The following UBE2N variants were observed in gnomAD, a reference collection of about 807,000 sequenced individuals.
UBE2N encodes ubiquitin conjugating enzyme E2 N, also known as ubiquitin-conjugating enzyme E2 N.
For synonymous variants in UBE2N, 70 were observed against 69.2 expected (o/e 1.01, Z -0.06); for missense variants, 60 against 192.1 (o/e 0.31, Z 4.07).
rs756817449 is a variant in UBE2N, at chr12:93,410,060, T to G, written c.438A>C (p.Leu146=). 1 of 1,613,528 alleles carries G rather than the reference T, an allele frequency of 6.2e-7. No homozygotes were observed. Among genetic ancestry groups the G allele is most frequent in the East Asian group, 2.2e-5 (1 of 44,812 alleles). The change falls in exon 4 of 4, where the codon CTA becomes CTC. Residue 146 remains leucine, a synonymous_variant. Transcript: ENST00000318066. ...CAATTTAAATATTATTCATGGCATA[T>G]AGCCTAGTCCATGCTCTAGCTGTAG... ...AIETARAWTR[L]YAMNNI
rs368827539 is a variant in UBE2N, at chr12:93,410,919, G to T, written c.278-45C>A. On this transcript the variant is annotated intron_variant, in intron 2 of 3. Transcript: ENST00000318066. ...AGTATGATAAAGCATGAAAAAAACAGGCCCAGAACTGCTTCACTTCCCTCC... is the reference window on the plus strand; with the variant it reads ...AGTATGATAAAGCATGAAAAAAACATGCCCAGAACTGCTTCACTTCCCTCC... The T allele has an allele frequency of 1.2e-5, 20 of 1,613,910 alleles. No homozygotes were observed. In the Admixed American group the frequency reaches 3.3e-4, roughly 27 times the overall value.
At chr12:93,413,666 T>C (rs1878104139) in intron 1 of UBE2N, among the ~76,000 whole-genome samples, 1 of 152,170 alleles carries the variant, frequency 6.6e-6, no homozygotes, top group South Asian at 2.1e-4. Flanking sequence ...CACACACATC[T>C]AGCCTGATTG....
chr12:93,421,159 A>C (rs945865233), intron 1 of UBE2N, among the ~76,000 whole-genome samples: 16 of 144,012 alleles, frequency 1.1e-4, no homozygotes, highest in African/African-American at 4.0e-4. Flanking sequence ...GGCTCTATTC[A>C]GTCTGGTTTC....
In UBE2N at chr12:93,408,867, C is replaced by T. The variant is rs1158913263; in HGVS notation, c.*1172G>A. On this transcript the variant is annotated 3_prime_UTR_variant, in exon 4 of 4. Transcript: ENST00000318066. ...AATGCCTCAGCAAATCCCAAATGAT[C>T]AGATCAGTGTTTCTTAACACACATG... is the stretch of plus-strand genomic sequence containing the variant. The T allele has an allele frequency of 1.3e-5, 2 of 152,588 alleles. No homozygotes were observed. Among genetic ancestry groups the T allele is most frequent in the Admixed American group, 6.5e-5 (1 of 15,284 alleles). The allele number at this position is 152,588 out of a possible 1,614,324, so 9.5% of individuals were successfully genotyped here.
chr12:93,415,366 A>G (rs376377333), intron 1 of UBE2N, among the ~76,000 whole-genome samples: 3 of 152,354 alleles, frequency 2.0e-5, no homozygotes, highest in African/African-American at 7.2e-5. Context: ...AAAATGTGTT[A>G]ATTAAACCCA....
intron 1 of UBE2N, among the ~76,000 whole-genome samples, chr12:93,421,550 G>A (rs1159902576): frequency 6.6e-6 from 1 of 152,150 alleles, no homozygotes; most frequent in African/African-American, 2.4e-5. Flanking sequence ...AACAGCACGG[G>A]AGTTAAAAGG....
At chr12:93,429,770 CA>C (rs911817541) in intron 1 of UBE2N, among the ~76,000 whole-genome samples, 2 of 150,926 alleles carry the variant, frequency 1.3e-5, no homozygotes, top group Non-Finnish European at 2.9e-5. Context: ...TAGTTTTTCA[CA>C]AAAAAGTTTT....
In UBE2N at chr12:93,419,126, G is replaced by A. The variant is rs760249362; in HGVS notation, c.31-7827C>T. On this transcript the variant is annotated intron_variant, in intron 1 of 3. Coordinates refer to ENST00000318066, the MANE Select transcript of UBE2N (RefSeq NM_003348.4). ...TACAAAAAGTAATGTCAGGCCGGGC[G>A]TGGTGTCTCATGCCTATAATCCCAG... 1.2e-3 allele frequency among the ~76,000 whole-genome samples: 185 copies of A among 152,324 alleles called. 2 individuals carry two copies. The highest frequency in any genetic ancestry group is 3.4e-3 in the Middle Eastern group (1 of 294).
At chr12:93,423,824 C>G (rs994717842) in intron 1 of UBE2N, among the ~76,000 whole-genome samples, 2 of 152,100 alleles carry the variant, frequency 1.3e-5, no homozygotes, top group African/African-American at 4.8e-5. Context: ...TTCTTTAGGC[C>G]TATAATTACT....
intron 1 of UBE2N, among the ~76,000 whole-genome samples, chr12:93,432,642 G>A (rs976581107): frequency 1.3e-5 from 2 of 151,810 alleles, no homozygotes; most frequent in African/African-American, 4.8e-5. Context: ...TCAATCCCTA[G>A]AACTGTAAAG....
At chr12:93,430,010 C>T (rs1038714529) in intron 1 of UBE2N, among the ~76,000 whole-genome samples, 4 of 152,138 alleles carry the variant, frequency 2.6e-5, no homozygotes, top group African/African-American at 7.2e-5. Flanking sequence ...TAAAGTCTAT[C>T]GTAGTGTACA....
chr12:93,436,515 C>T (rs1052895679), intron 1 of UBE2N, among the ~76,000 whole-genome samples: 3 of 152,244 alleles, frequency 2.0e-5, no homozygotes, highest in African/African-American at 7.2e-5. Flanking sequence ...ATAGATCTCA[C>T]TTATCGGTTC....
chr12:93,410,861 T>C lies in UBE2N; in HGVS notation c.291A>G (p.Pro97=), dbSNP rs143805291. 9 of 1,614,176 alleles carry C rather than the reference T, an allele frequency of 5.6e-6. No homozygotes were observed. Among genetic ancestry groups the C allele is most frequent in the Admixed American group, 1.7e-5 (1 of 60,018 alleles). Residue 97 remains proline, a synonymous_variant, in exon 3 of 4, where the codon CCA becomes CCG. Coordinates refer to ENST00000318066, the MANE Select transcript of UBE2N (RefSeq NM_003348.4). ...GCAGAACTGTGCGGATCTGCAGTGC[T>C]GGGGACCACTTATCTATGAAGGCAA... ...CLDILKDKWS[P]ALQIRTVLLS... is the part of the protein sequence containing the mutation.
chr12:93,410,580 A>AT, intron 3 of UBE2N, 154 bp downstream of exon 3: 5 of 1,192,380 alleles, frequency 4.2e-6, no homozygotes, highest in Non-Finnish European at 5.8e-6. Flanking sequence ...ATAGCAAGCC[A>AT]TTTTGTTAAG....
Position 93,410,861 on chromosome 12 carries a change from T to G in UBE2N, c.291A>C (p.Pro97=), listed in dbSNP as rs143805291. ...GCAGAACTGTGCGGATCTGCAGTGC[T>G]GGGGACCACTTATCTATGAAGGCAA... The part of the protein sequence containing the change: ...CLDILKDKWS[P]ALQIRTVLLS... The change falls in exon 3 of 4, where the codon CCA becomes CCC. Residue 97 remains proline (P), a synonymous_variant. Coordinates refer to ENST00000318066, the MANE Select transcript of UBE2N (RefSeq NM_003348.4). 1.1e-4 allele frequency: 181 copies of G among 1,614,176 alleles called. 1 individual carries two copies. The Middle Eastern group carries it at 1.6e-3, about 15-fold the overall frequency.
Position 93,439,162 on chromosome 12 carries a change from G to A in UBE2N, c.30+2693C>T, listed in dbSNP as rs141062987. On this transcript the variant is annotated intron_variant, in intron 1 of 3. Coordinates refer to ENST00000318066, the MANE Select transcript of UBE2N (RefSeq NM_003348.4). ...ATTAGATGAGAATGCTAACACTGAT[G>A]TTATATCAACACTAAATTTCATCCT... Among the ~76,000 whole-genome samples the A allele has an allele frequency of 3.3e-4, 50 of 152,336 alleles. No homozygotes were observed. In the East Asian group the frequency reaches 9.2e-3, roughly 28 times the overall value.
chr12:93,417,536 A>T (rs1272083978), intron 1 of UBE2N, among the ~76,000 whole-genome samples: 1 of 152,214 alleles, frequency 6.6e-6, no homozygotes, highest in East Asian at 1.9e-4. Flanking sequence ...TCCAGTTAGT[A>T]ACTATCTATA....
intron 1 of UBE2N, among the ~76,000 whole-genome samples, chr12:93,430,529 T>C (rs1878730974): frequency 6.6e-6 from 1 of 151,840 alleles, no homozygotes. Context: ...AGGCATTCCA[T>C]CTTAAAGTGA....
At chr12:93,430,686 G>A (rs965852192) in intron 1 of UBE2N, among the ~76,000 whole-genome samples, 2 of 151,564 alleles carry the variant, frequency 1.3e-5, no homozygotes, top group Admixed American at 1.3e-4. Context: ...GCTGAGACAG[G>A]AGGATCACTT....
Sources: allele counts gnomAD v4.1 joint callset (sites outside exome capture counted in the v4.1 genomes callset), GRCh38; gene constraint gnomAD v4.1.1; transcripts MANE v1.5; gene names NCBI Gene and HGNC (gene_info 2026-07-23, HGNC 2026-07-21).